ADAMTS3: variants seen among roughly 807,000 people sequenced by gnomAD.
The protein encoded by ADAMTS3 is ADAM metallopeptidase with thrombospondin type 1 motif 3, also known as A disintegrin and metalloproteinase with thrombospondin motifs 3.
A neutral mutation model predicts 129.0 loss-of-function variants in ADAMTS3; 73 were observed. The ratio of observed to expected loss-of-function variants is 0.57; its 90% CI spans 0.47 to 0.69. ADAMTS3 has a LOEUF of 0.69. Ranked by LOEUF, ADAMTS3 falls within the 30% of genes least tolerant of loss-of-function variation. The pLI, the probability that ADAMTS3 is intolerant of heterozygous loss-of-function variation, is 0.00. For missense variants in ADAMTS3, 1,457 were observed against 1,514.5 expected, an observed-to-expected ratio of 0.96 and a Z score of 0.63; for synonymous variants, 477 against 510.8, an observed-to-expected ratio of 0.93 and a Z score of 0.89.
At position 72,557,723 on chromosome 4, in the gene ADAMTS3, G is replaced by A. The variant is rs185238066; in HGVS notation, c.98-8839C>T. Among the ~76,000 whole-genome samples the A allele has an allele frequency of 4.4e-4, 67 of 151,736 alleles. No individual in the cohort carries two copies. In the East Asian group the frequency reaches 0.011, roughly 25 times the overall value. ...AGGAAAGAACAACACATTCTTTACT[G>A]TACTAGAACATGAAATCAGGTAAGA... On this transcript the variant is annotated intron_variant, in intron 2 of 21. Transcript: ENST00000286657.
chr4:72,410,258 G>A (rs1722153747), intron 4 of ADAMTS3, among the ~76,000 whole-genome samples: 2 of 152,164 alleles, frequency 1.3e-5, no homozygotes, highest in African/African-American at 2.4e-5. Flanking sequence ...TTGTTTCATA[G>A]TTTCATTCCC....
intron 2 of ADAMTS3, among the ~76,000 whole-genome samples, chr4:72,556,279 T>C (rs1208682957): frequency 6.6e-6 from 1 of 151,726 alleles, no homozygotes; most frequent in Non-Finnish European, 1.5e-5. Context: ...TCATCTTAAC[T>C]CCTTTACATG....
intron 3 of ADAMTS3, among the ~76,000 whole-genome samples, chr4:72,499,544 C>T (rs1719955516): frequency 6.6e-6 from 1 of 152,142 alleles, no homozygotes; most frequent in Non-Finnish European, 1.5e-5. Context: ...TTACACCGAC[C>T]TATGTACTTG....
intron 20 of ADAMTS3, among the ~76,000 whole-genome samples, chr4:72,289,693 G>A (rs752185942): frequency 3.3e-5 from 5 of 152,216 alleles, no homozygotes; most frequent in Non-Finnish European, 7.4e-5. Flanking sequence ...TGATTTATGG[G>A]CATGGGTTAA....
At chr4:72,493,497 T>C (rs1417977633) in intron 3 of ADAMTS3, among the ~76,000 whole-genome samples, 3 of 152,038 alleles carry the variant, frequency 2.0e-5, no homozygotes, top group Non-Finnish European at 4.4e-5. Context: ...AAAAACACTA[T>C]ACTTTTACTC....
intron 3 of ADAMTS3, among the ~76,000 whole-genome samples, chr4:72,424,356 A>G (rs1274645031): frequency 6.6e-6 from 1 of 152,086 alleles, no homozygotes; most frequent in Non-Finnish European, 1.5e-5. Flanking sequence ...ATAACCTCCA[A>G]CCCTCTGCTG....
intron 3 of ADAMTS3, among the ~76,000 whole-genome samples, chr4:72,534,080 C>T (rs1436462131): frequency 1.3e-5 from 2 of 152,286 alleles, no homozygotes; most frequent in East Asian, 3.9e-4. Context: ...GTAATCCCAG[C>T]AGTTTGGGAG....
At chr4:72,454,505 C>T (rs1389575028) in intron 3 of ADAMTS3, among the ~76,000 whole-genome samples, 2 of 151,622 alleles carry the variant, frequency 1.3e-5, no homozygotes, top group Admixed American at 1.3e-4. Flanking sequence ...TTCTCATTTA[C>T]AAAATTAGAA....
intron 3 of ADAMTS3, among the ~76,000 whole-genome samples, chr4:72,466,535 A>G (rs892949014): frequency 1.2e-4 from 18 of 152,206 alleles, no homozygotes; most frequent in Non-Finnish European, 2.5e-4. Context: ...CGGAGCAAAC[A>G]GAATTTGCTA....
chr4:72,503,300 C>T (rs1578740367), intron 3 of ADAMTS3, among the ~76,000 whole-genome samples: 1 of 152,106 alleles, frequency 6.6e-6, no homozygotes, highest in African/African-American at 2.4e-5. Context: ...GGATTATAGC[C>T]GTGAGACACC....
intron 4 of ADAMTS3, among the ~76,000 whole-genome samples, chr4:72,364,072 A>G (rs1291207085): frequency 6.6e-6 from 1 of 152,160 alleles, no homozygotes; most frequent in Non-Finnish European, 1.5e-5. Context: ...TCACAATAAA[A>G]TATTAGCAAG....
Position 72,558,580 on chromosome 4 carries a change from C to T in ADAMTS3, c.97+8794G>A, listed in dbSNP as rs190423898. On this transcript the variant is annotated intron_variant, in intron 2 of 21. Coordinates refer to ENST00000286657, the MANE Select transcript of ADAMTS3 (RefSeq NM_014243.3). The stretch of plus-strand genomic sequence containing the variant: ...CCTTTGGCATGTAACATAACATACT[C>T]GCAGGTTCCAAGGATCCAGGCACAG... Among the ~76,000 whole-genome samples the T allele has an allele frequency of 1.3e-4, 20 of 151,834 alleles. 1 individual carries two copies. The highest frequency in any genetic ancestry group is 1.0e-3 in the Admixed American group (16 of 15,294).
At position 72,366,368 on chromosome 4, in the gene ADAMTS3, T is replaced by C. The variant is rs184604587; in HGVS notation, c.662-26675A>G. The stretch of plus-strand genomic sequence containing the variant: ...ACTATTGTATTACGGTAGAAGACGA[T>C]GTGAAGTTTTCAAATATAATCCCAG... On this transcript the variant is annotated intron_variant, in intron 4 of 21. Transcript: ENST00000286657. Among the ~76,000 whole-genome samples, 28 of 152,330 alleles carry C rather than the reference T, an allele frequency of 1.8e-4. No homozygotes were observed. The East Asian group carries it at 3.1e-3, about 17-fold the overall frequency.
chr4:72,333,797 AG>A (rs1377318873), intron 5 of ADAMTS3, among the ~76,000 whole-genome samples: 1 of 151,610 alleles, frequency 6.6e-6, no homozygotes, highest in African/African-American at 2.4e-5. Context: ...AATTCCTGAA[AG>A]AAGGTTTTCT....
intron 2 of ADAMTS3, among the ~76,000 whole-genome samples, chr4:72,561,284 T>C (rs890651658): frequency 6.7e-6 from 1 of 149,992 alleles, no homozygotes; most frequent in Non-Finnish European, 1.5e-5. Context: ...AAGGCAGAGG[T>C]TGCAGGGAGC....
At chr4:72,518,265 T>C (rs1018744386) in intron 3 of ADAMTS3, among the ~76,000 whole-genome samples, 19 of 152,180 alleles carry the variant, frequency 1.2e-4, no homozygotes, top group African/African-American at 4.6e-4. Flanking sequence ...AAGTATGTGG[T>C]CAATTTTGGA....
At chr4:72,511,751 C>A (rs1720320953) in intron 3 of ADAMTS3, among the ~76,000 whole-genome samples, 1 of 152,122 alleles carries the variant, frequency 6.6e-6, no homozygotes, top group African/African-American at 2.4e-5. Flanking sequence ...CCCAGCAATC[C>A]TACAGCTGGG....
At chr4:72,343,318 C>T (rs544185256) in intron 4 of ADAMTS3, among the ~76,000 whole-genome samples, 3 of 152,146 alleles carry the variant, frequency 2.0e-5, no homozygotes, top group Non-Finnish European at 4.4e-5. Flanking sequence ...GGCACAACTG[C>T]CAGCATTCAC....
intron 3 of ADAMTS3, among the ~76,000 whole-genome samples, chr4:72,450,762 C>T (rs1482015640): frequency 1.3e-5 from 2 of 151,602 alleles, no homozygotes; most frequent in African/African-American, 2.4e-5. Context: ...TGTGCCACCC[C>T]GAGCATCTCT....
Sources: allele counts gnomAD v4.1 joint callset (sites outside exome capture counted in the v4.1 genomes callset), GRCh38; gene constraint gnomAD v4.1.1; transcripts MANE v1.5; gene names NCBI Gene and HGNC (gene_info 2026-07-23, HGNC 2026-07-21).